The following SMYD3 variants were observed in gnomAD, a reference collection of about 807,000 sequenced individuals.
The protein encoded by SMYD3 is histone-lysine N-methyltransferase SMYD3.
In SMYD3, 36 loss-of-function variants were observed where a neutral mutation model predicts 57.7. That is an observed-to-expected ratio of 0.62 (90% CI 0.48 to 0.82). The LOEUF (loss-of-function observed/expected upper bound fraction) is 0.82, where lower values mean the gene tolerates loss of function less well. Among genes scored for constraint, SMYD3 ranks in the 40% least tolerant of loss-of-function variants. SMYD3 has a pLI of 0.00. For synonymous variants in SMYD3, 211 were observed against 195.0 expected, an observed-to-expected ratio of 1.08 and a Z score of -0.68; for missense variants, 515 against 538.8, an observed-to-expected ratio of 0.96 and a Z score of 0.44.
At chr1:245,831,140 A>C (rs10802275) in intron 10 of SMYD3, among the ~76,000 whole-genome samples, 127,732 of 152,178 alleles carry the variant, frequency 0.84, 54,905 homozygotes, top group Non-Finnish European at 0.95. Context: ...CCAATATTTT[A>C]GCAGGGCCTC....
intron 5 of SMYD3, among the ~76,000 whole-genome samples, chr1:246,317,649 C>G (rs190941074): frequency 1.7e-3 from 258 of 152,272 alleles, no homozygotes; most frequent in African/African-American, 6.1e-3. Flanking sequence ...CCACGATAAG[C>G]ATGTGAGGTA....
intron 5 of SMYD3, among the ~76,000 whole-genome samples, chr1:246,167,910 TA>T: frequency 6.6e-6 from 1 of 152,250 alleles, no homozygotes; most frequent in Admixed American, 6.5e-5. Flanking sequence ...GAGAAAGGTC[TA>T]TTCAACTCCT....
At chr1:245,793,546 T>C (rs879379452) in intron 10 of SMYD3, among the ~76,000 whole-genome samples, 25 of 151,976 alleles carry the variant, frequency 1.6e-4, no homozygotes, top group Non-Finnish European at 5.9e-5. Flanking sequence ...CCACATCTCA[T>C]TTTACCCATC....
chr1:246,378,270 T>C lies in SMYD3; in HGVS notation c.165-23176A>G, dbSNP rs1008436087. Reference sequence around the variant, plus strand: ...AAAATTTAGTTGACCACTGTGATGGTTGATACTGAGTGTAAACTTGATTGG... The same window carrying C: ...AAAATTTAGTTGACCACTGTGATGGCTGATACTGAGTGTAAACTTGATTGG... On this transcript the variant is annotated intron_variant, in intron 1 of 11. Coordinates refer to ENST00000490107, the MANE Select transcript of SMYD3 (RefSeq NM_001167740.2). Among the ~76,000 whole-genome samples the C allele has an allele frequency of 4.6e-5, 7 of 152,230 alleles. No individual in the cohort carries two copies. The South Asian group carries it at 1.2e-3, about 27-fold the overall frequency.
At chr1:246,247,402 A>G (rs2063721784) in intron 5 of SMYD3, among the ~76,000 whole-genome samples, 1 of 142,782 alleles carries the variant, frequency 7.0e-6, no homozygotes, top group South Asian at 2.5e-4. Context: ...CTACCAGGAC[A>G]GATTTTGCCT....
At chr1:245,869,542 CTG>C (rs1194033230) in intron 8 of SMYD3, among the ~76,000 whole-genome samples, 5 of 152,192 alleles carry the variant, frequency 3.3e-5, no homozygotes, top group Non-Finnish European at 7.3e-5. Context: ...CTTCAAAAGC[CTG>C]TCTTTATTTT....
intron 5 of SMYD3, among the ~76,000 whole-genome samples, chr1:246,177,539 AT>A (rs2062454555): frequency 6.6e-6 from 1 of 152,188 alleles, no homozygotes; most frequent in Non-Finnish European, 1.5e-5. Flanking sequence ...AAGAATAAAC[AT>A]TTTCAGGACA....
At chr1:246,123,410 T>TA (rs1292457449) in intron 5 of SMYD3, among the ~76,000 whole-genome samples, 1 of 151,858 alleles carries the variant, frequency 6.6e-6, no homozygotes, top group East Asian at 1.9e-4. Flanking sequence ...CTACTAAAAG[T>TA]ACAAAAATTA....
intron 5 of SMYD3, among the ~76,000 whole-genome samples, chr1:246,298,552 T>A (rs2064836739): frequency 6.6e-6 from 1 of 152,096 alleles, no homozygotes. Flanking sequence ...AGAGACAAGA[T>A]GGAGGTTTTG....
intron 5 of SMYD3, among the ~76,000 whole-genome samples, chr1:246,112,529 T>C (rs188124792): frequency 6.6e-6 from 1 of 152,354 alleles, no homozygotes; most frequent in East Asian, 1.9e-4. Flanking sequence ...CTGTTGGTTA[T>C]ACACATAAAT....
intron 5 of SMYD3, among the ~76,000 whole-genome samples, chr1:246,193,888 T>A (rs1283853999): frequency 6.6e-6 from 1 of 152,216 alleles, no homozygotes; most frequent in Non-Finnish European, 1.5e-5. Flanking sequence ...CCTTTCAAGC[T>A]TTCCCTTTTA....
rs142309780 is a variant in SMYD3, at chr1:246,347,908, C to T, written c.228+7123G>A. On this transcript the variant is annotated intron_variant, in intron 2 of 11. Coordinates refer to ENST00000490107, the MANE Select transcript of SMYD3 (RefSeq NM_001167740.2). ...AGTCTTGAACTACCATGTGACCCAG[C>T]AATTCCATTACTGGGTATATACCCA... is the stretch of plus-strand genomic sequence containing the variant. Among the ~76,000 whole-genome samples the T allele has an allele frequency of 3.1e-3, 473 of 151,880 alleles. 5 individuals carry two copies. Among genetic ancestry groups the T allele is most frequent in the African/African-American group, 0.01 (418 of 41,446 alleles).
intron 11 of SMYD3, among the ~76,000 whole-genome samples, chr1:245,754,510 G>A (rs1280957620): frequency 6.6e-6 from 1 of 152,122 alleles, no homozygotes; most frequent in Non-Finnish European, 1.5e-5. Flanking sequence ...AAGCTGGTCT[G>A]GGGCATTCAA....
chr1:246,271,992 T>C (rs971198473), intron 5 of SMYD3, among the ~76,000 whole-genome samples: 17 of 152,218 alleles, frequency 1.1e-4, no homozygotes, highest in African/African-American at 4.1e-4. Flanking sequence ...TTTCTGCTTT[T>C]CATTGTTAAG....
intron 5 of SMYD3, among the ~76,000 whole-genome samples, chr1:246,264,585 G>A (rs2064069947): frequency 6.6e-6 from 1 of 152,180 alleles, no homozygotes; most frequent in Non-Finnish European, 1.5e-5. Flanking sequence ...AATAGCTTTT[G>A]TAATCCCATG....
chr1:246,457,548 A>AT (rs1558473738), intron 1 of SMYD3, among the ~76,000 whole-genome samples: 3 of 79,588 alleles, frequency 3.8e-5, no homozygotes, highest in Non-Finnish European at 8.8e-5. Context: ...AAAAAAAAAA[A>AT]GAAAAGAAAA....
intron 5 of SMYD3, among the ~76,000 whole-genome samples, chr1:246,117,603 A>C (rs951718820): frequency 6.6e-6 from 1 of 152,200 alleles, no homozygotes; most frequent in Non-Finnish European, 1.5e-5. Flanking sequence ...TCCTGACCCC[A>C]GTGCTCGCTC....
chr1:245,971,180 A>T lies in SMYD3; in HGVS notation c.532-41243T>A, dbSNP rs367766917. On this transcript the variant is annotated intron_variant, in intron 5 of 11. Coordinates refer to ENST00000490107, the MANE Select transcript of SMYD3 (RefSeq NM_001167740.2). ...GATGAAGCTGGAAACCATCATTCTC[A>T]GTAAACTAACATAGGAAAAGAAAAC... 7.2e-5 allele frequency among the ~76,000 whole-genome samples: 11 copies of T among 152,352 alleles called. 1 individual carries two copies. Among genetic ancestry groups the T allele is most frequent in the Admixed American group, 5.2e-4 (8 of 15,306 alleles).
chr1:246,268,744 AG>A (rs1056225110), intron 5 of SMYD3, among the ~76,000 whole-genome samples: 3 of 152,042 alleles, frequency 2.0e-5, no homozygotes, highest in African/African-American at 7.2e-5. Flanking sequence ...AGAAAAGAAA[AG>A]AAAGAAATGG....
Sources: gnomAD v4.1 joint callset for allele counts (sites outside exome capture counted in the v4.1 genomes callset) on GRCh38, gnomAD v4.1.1 for gene constraint, MANE v1.5 for transcripts, NCBI Gene and HGNC (gene_info 2026-07-23, HGNC 2026-07-21) for gene names.